Variants in SYNPR observed in about 807,000 individuals in gnomAD.
SYNPR encodes synaptoporin.
A neutral mutation model predicts 32.9 loss-of-function variants in SYNPR; 23 were observed. The ratio of observed to expected loss-of-function variants is 0.70; its 90% CI spans 0.50 to 0.99. The LOEUF (loss-of-function observed/expected upper bound fraction) is 0.99, where lower values mean the gene tolerates loss of function less well. SYNPR is among the 50% of genes least tolerant of loss of function. The pLI is 0.00. For synonymous variants in SYNPR, 146 were observed against 135.9 expected, an observed-to-expected ratio of 1.07 and a Z score of -0.52; for missense variants, 318 against 349.3, an observed-to-expected ratio of 0.91 and a Z score of 0.71.
chr3:63,314,619 T>A (rs1303732443), intron 2 of SYNPR, among the ~76,000 whole-genome samples: 1 of 152,088 alleles, frequency 6.6e-6, no homozygotes, highest in African/African-American at 2.4e-5. Flanking sequence ...AGATTCTGGA[T>A]ATTAGCCTTT....
intron 2 of SYNPR, among the ~76,000 whole-genome samples, chr3:63,334,829 T>G (rs1240295187): frequency 2.1e-5 from 2 of 95,648 alleles, no homozygotes; most frequent in Non-Finnish European, 5.0e-5. Flanking sequence ...TTGCCATCAC[T>G]TTCAATAGCG....
At chr3:63,247,887 G>A (rs562846537) in intron 1 of SYNPR, among the ~76,000 whole-genome samples, 1 of 152,286 alleles carries the variant, frequency 6.6e-6, no homozygotes, top group East Asian at 1.9e-4. Context: ...CCATCATGAA[G>A]AGAATGTGGC....
chr3:63,555,250 T>C (rs897048249), intron 3 of SYNPR, among the ~76,000 whole-genome samples: 6 of 110,944 alleles, frequency 5.4e-5, no homozygotes, highest in African/African-American at 1.7e-4. Flanking sequence ...AGATCCGTTT[T>C]AAAGGGATTG....
intron 2 of SYNPR, among the ~76,000 whole-genome samples, chr3:63,347,575 A>G (rs1421078302): frequency 6.6e-6 from 1 of 152,196 alleles, no homozygotes; most frequent in Non-Finnish European, 1.5e-5. Flanking sequence ...CAGGGTAACC[A>G]TTACCTGGAT....
chr3:63,426,611 G>A (rs140075947), intron 2 of SYNPR: 22 of 152,200 alleles, frequency 1.4e-4, no homozygotes, highest in Non-Finnish European at 2.6e-4. Flanking sequence ...ACAAAATGGC[G>A]GTGATCTTCA....
At chr3:63,498,913 A>C (rs968393393) in intron 3 of SYNPR, among the ~76,000 whole-genome samples, 2 of 151,366 alleles carry the variant, frequency 1.3e-5, no homozygotes, top group Non-Finnish European at 2.9e-5. Context: ...CAGCAGTTCA[A>C]GACCAGCCCG....
intron 3 of SYNPR, among the ~76,000 whole-genome samples, chr3:63,529,069 A>G (rs1702066224): frequency 6.6e-6 from 1 of 152,044 alleles, no homozygotes; most frequent in South Asian, 2.1e-4. Context: ...AAGTTTGATC[A>G]CTAGCTTGCC....
chr3:63,304,298 A>C (rs761941265), intron 2 of SYNPR, among the ~76,000 whole-genome samples: 5 of 151,944 alleles, frequency 3.3e-5, no homozygotes, highest in Admixed American at 1.3e-4. Flanking sequence ...CCAAACAGTA[A>C]GACCTTCAAT....
intron 4 of SYNPR, among the ~76,000 whole-genome samples, chr3:63,564,279 C>A (rs1180031113): frequency 1.3e-5 from 2 of 151,240 alleles, no homozygotes; most frequent in Non-Finnish European, 1.5e-5. Flanking sequence ...TCACTGCAAC[C>A]ACTGCCTCCT....
At chr3:63,286,061 A>C (rs1406849044) in intron 2 of SYNPR, among the ~76,000 whole-genome samples, 1 of 152,182 alleles carries the variant, frequency 6.6e-6, no homozygotes, top group African/African-American at 2.4e-5. Flanking sequence ...CTGAGGTAGA[A>C]ATTTGTATCC....
At chr3:63,569,925 T>C (rs937785183) in intron 4 of SYNPR, among the ~76,000 whole-genome samples, 2 of 152,182 alleles carry the variant, frequency 1.3e-5, no homozygotes, top group Non-Finnish European at 1.5e-5. Flanking sequence ...AAAGTGGTAA[T>C]AGTCTATCCA....
chr3:63,227,146 T>C (rs2086134201), upstream of SYNPR, among the ~76,000 whole-genome samples: 1 of 152,220 alleles, frequency 6.6e-6, no homozygotes. Context: ...TTCATAATTA[T>C]CCACTTTTGG....
intron 2 of SYNPR, among the ~76,000 whole-genome samples, chr3:63,411,996 G>A (rs1006577370): frequency 3.3e-5 from 5 of 152,082 alleles, no homozygotes; most frequent in Non-Finnish European, 7.4e-5. Flanking sequence ...TTGTGATAGT[G>A]CAGGCCAAGA....
At chr3:63,329,805 C>T (rs1211781647) in intron 2 of SYNPR, among the ~76,000 whole-genome samples, 3 of 152,048 alleles carry the variant, frequency 2.0e-5, no homozygotes, top group Non-Finnish European at 4.4e-5. Context: ...TTCATCTAAC[C>T]CAGGACTCAA....
chr3:63,217,479 CGTCA>C, the SYNPR span, among the ~76,000 whole-genome samples: 1 of 58,446 alleles, frequency 1.7e-5, no homozygotes, highest in East Asian at 2.4e-4. Flanking sequence ...TTTCCAGGTG[CGTCA>C]GTCACCCCTT....
upstream of SYNPR, among the ~76,000 whole-genome samples, chr3:63,225,306 G>A (rs766217047): frequency 1.6e-4 from 24 of 152,206 alleles, no homozygotes; most frequent in Non-Finnish European, 2.9e-4. Context: ...CCATTGCTCT[G>A]TGGAGCTACC....
rs1700283318 is a variant in SYNPR, at chr3:63,616,720, TAG to T, written c.*1244_*1245del. ...ACTCAGCTGAAACACCAGGACCCAA[TAG>T]AGAGGGCAAGCTGAGCATCTGTATT... On this transcript the variant is annotated 3_prime_UTR_variant, in exon 6 of 6. Coordinates refer to ENST00000478300, the MANE Select transcript of SYNPR (RefSeq NM_001130003.2). 1 of 152,540 alleles carries T rather than the reference TAG, an allele frequency of 6.6e-6. No homozygotes were observed. Among genetic ancestry groups the T allele is most frequent in the Non-Finnish European group, 1.5e-5 (1 of 68,018 alleles). 9.4% of individuals were successfully genotyped at this position (152,540 alleles called of 1,614,324 possible).
intron 1 of SYNPR, among the ~76,000 whole-genome samples, chr3:63,230,977 AAG>A (rs1204884226): frequency 6.6e-6 from 1 of 152,138 alleles, no homozygotes; most frequent in Non-Finnish European, 1.5e-5. Context: ...TCCCCTTAAA[AAG>A]AGAGAAATGC....
intron 4 of SYNPR, among the ~76,000 whole-genome samples, chr3:63,576,296 AC>A (rs1188714669): frequency 6.6e-6 from 1 of 152,198 alleles, no homozygotes; most frequent in African/African-American, 2.4e-5. Flanking sequence ...TCCTCTGAGT[AC>A]GTGAAACAAA....
Sources: allele counts gnomAD v4.1 joint callset (sites outside exome capture counted in the v4.1 genomes callset), GRCh38; gene constraint gnomAD v4.1.1; transcripts MANE v1.5; gene names NCBI Gene and HGNC (gene_info 2026-07-23, HGNC 2026-07-21).